Variants in POLR2E observed in about 807,000 individuals in gnomAD.
POLR2E encodes the protein DNA-directed RNA polymerases I, II, and III subunit RPABC1.
Under a neutral mutation model 29.8 loss-of-function variants are expected in POLR2E, and 35 were observed. The observed-to-expected ratio is 1.17, with a 90% CI of 0.90 to 1.55. The LOEUF is 1.55. POLR2E is among the 40% of genes most tolerant of loss of function. The pLI is 0.00. For missense variants in POLR2E, 287 were observed against 288.6 expected, an observed-to-expected ratio of 0.99 and a Z score of 0.04; for synonymous variants, 174 against 112.6, an observed-to-expected ratio of 1.55 and a Z score of -3.45.
Position 1,091,483 on chromosome 19 carries a change from G to T in POLR2E, c.348+309C>A, listed in dbSNP as rs1433215568. The stretch of plus-strand genomic sequence containing the variant: ...CCCCTGGACATCAGCTCAGGATAAA[G>T]AACCTCCGGCTCCTGGAATCTGCAC... On this transcript the variant is annotated intron_variant, in intron 3 of 7. Transcript: ENST00000615234. The T allele has an allele frequency of 1.1e-5, 5 of 438,398 alleles. No homozygotes were observed. In the East Asian group the frequency reaches 2.2e-4, roughly 20 times the overall value. 27.2% of individuals were successfully genotyped at this position (438,398 alleles called of 1,614,324 possible).
chr19:1,086,993 AT>A lies in POLR2E; in HGVS notation c.*1741del, dbSNP rs3073478. On this transcript the variant is annotated 3_prime_UTR_variant, in exon 8 of 8. Coordinates refer to ENST00000615234, the MANE Select transcript of POLR2E (RefSeq NM_002695.5). ...GTGGCCCATGCGCCTGTGGAACTGC[AT>A]TTTTTTTTTTTTTTGAGACAGGGTG... is the stretch of plus-strand genomic sequence containing the variant. The A allele has an allele frequency of 0.35, 50,593 of 145,976 alleles. 9,572 individuals are homozygous for A. Among genetic ancestry groups the A allele is most frequent in the Non-Finnish European group, 0.44 (28,856 of 66,142 alleles). 9.0% of individuals were successfully genotyped at this position (145,976 alleles called of 1,614,324 possible). A position where few individuals can be genotyped will look rare whatever the true frequency, so the allele number is the denominator to read the frequency against.
At chr19:1,089,762 T>C in intron 6 of POLR2E, 122 bp downstream of exon 6, 1 of 848,118 alleles carries the variant, frequency 1.2e-6, no homozygotes, top group Non-Finnish European at 1.9e-6. Context: ...GGGGGTGTGG[T>C]CTCGAGGTCC....
In POLR2E at chr19:1,094,042, C is replaced by A. The variant is rs764372975; in HGVS notation, c.94G>T (p.Glu32Ter). The A allele has an allele frequency of 3.1e-6, 5 of 1,613,342 alleles. No homozygotes were observed. Among genetic ancestry groups the A allele is most frequent in the Non-Finnish European group, 4.2e-6 (5 of 1,179,754 alleles). The change falls in exon 2 of 8, where the codon GAG becomes TAG. Residue 32 changes from glutamate to a stop codon, truncating the protein, a stop_gained. Transcript: ENST00000615234. LOFTEE classifies it high-confidence loss of function. Reference sequence around the variant, plus strand: ...AACTCCTCCAGGGTCTGGTCAAGCTCGTCCTGGGTCACCAGATAGCCACGG... The same window carrying A: ...AACTCCTCCAGGGTCTGGTCAAGCTAGTCCTGGGTCACCAGATAGCCACGG... ...HDRGYLVTQD[E>*]LDQTLEEFKA...
rs1369380932 is a variant in POLR2E at position 1,095,173 on chromosome 19, G to A, written c.57+86C>T. ...CTTCATCGCTGCTGCTCCGACGAGAGTACGAGGAGACGCCGTGCTCGACCC... is the reference window on the plus strand; with the variant it reads ...CTTCATCGCTGCTGCTCCGACGAGAATACGAGGAGACGCCGTGCTCGACCC... On this transcript the variant is annotated intron_variant, in intron 1 of 7. Coordinates refer to ENST00000615234, the MANE Select transcript of POLR2E (RefSeq NM_002695.5). 3.6e-6 allele frequency: 5 copies of A among 1,384,566 alleles called. No homozygotes were observed. In the African/African-American group the frequency reaches 4.3e-5, roughly 12 times the overall value. 85.8% of individuals were successfully genotyped at this position (1,384,566 alleles called of 1,614,324 possible).
chr19:1,090,137 A>G lies in POLR2E; in HGVS notation c.438T>C (p.Pro146=), dbSNP rs149982395. 2.0e-5 allele frequency: 33 copies of G among 1,612,468 alleles called. No homozygotes were observed. In the Middle Eastern group the frequency reaches 6.7e-4, roughly 33 times the overall value. Residue 146 remains proline, a synonymous_variant, in exon 5 of 8, where the codon CCT becomes CCC. Coordinates refer to ENST00000615234, the MANE Select transcript of POLR2E (RefSeq NM_002695.5). ...CCTCCTTGGTCATGACGACGTGCTC[A>G]GGGACTAGCTGCCGAGAGAGGAAGC... ...LINITEHELV[P]EHVVMTKEEV...
At chr19:1,094,279 G>A (rs997584009) in intron 1 of POLR2E, 1 of 536,252 alleles carries the variant, frequency 1.9e-6, no homozygotes. Flanking sequence ...GATCCTGAGA[G>A]GCTCCCAGAG....
At chr19:1,093,877 G>A (rs975206841) in intron 2 of POLR2E, 27 bp downstream of exon 2, 6 of 1,543,938 alleles carry the variant, frequency 3.9e-6, no homozygotes, top group African/African-American at 2.8e-5. Context: ...TGGCTTCACC[G>A]GAACTCCCCC....
intron 2 of POLR2E, 134 bp downstream of exon 2, chr19:1,093,770 G>C: frequency 1.4e-6 from 2 of 1,417,186 alleles, no homozygotes; most frequent in Non-Finnish European, 1.8e-6. Flanking sequence ...AGGAAGGGGA[G>C]GGGAGTTTTC....
At position 1,095,274 on chromosome 19, in the gene POLR2E, G is replaced by A. The variant is rs1008680381; in HGVS notation, c.42C>T (p.Arg14=). The change falls in exon 1 of 8, where the codon CGC becomes CGT. Residue 14 remains arginine (R), a synonymous_variant. Coordinates refer to ENST00000615234, the MANE Select transcript of POLR2E (RefSeq NM_002695.5). The part of the protein sequence containing the change: ...EEETYRLWKI[R]KTIMQLCHDR... ...CGCGGCTCACCTGCATGATGGTCTT[G>A]CGGATTTTCCAGAGCCGGTACGTCT... is the stretch of plus-strand genomic sequence containing the variant. 6.8e-6 allele frequency: 11 copies of A among 1,613,290 alleles called. No homozygotes were observed. The highest frequency in any genetic ancestry group is 9.3e-6 in the Non-Finnish European group (11 of 1,179,780).
At chr19:1,089,004 C>T (rs1220349987) in intron 7 of POLR2E, among the ~76,000 whole-genome samples, 3 of 152,170 alleles carry the variant, frequency 2.0e-5, no homozygotes, top group African/African-American at 7.2e-5. Flanking sequence ...GACCAGAGTC[C>T]AGGGGAAGCT....
intron 2 of POLR2E, among the ~76,000 whole-genome samples, chr19:1,092,951 C>T (rs1041246258): frequency 2.7e-5 from 4 of 150,588 alleles, no homozygotes; most frequent in African/African-American, 9.8e-5. Flanking sequence ...TTTGGGAGGC[C>T]GAGGCGGGCG....
chr19:1,089,458 C>T lies in POLR2E; in HGVS notation c.*14+14G>A. 1 of 1,591,184 alleles carries T rather than the reference C, an allele frequency of 6.3e-7. No individual in the cohort carries two copies. The highest frequency in any genetic ancestry group is 8.6e-7 in the Non-Finnish European group (1 of 1,159,906). On this transcript the variant is annotated intron_variant, in intron 7 of 7. Transcript: ENST00000615234. ...TCTGACCCCACCTCAGTGCCTGTCC[C>T]TCGGCCGTCTCACCTGTCAGGCGGT...
In POLR2E at chr19:1,087,378, C is replaced by T. The variant is rs1374248958; in HGVS notation, c.*1357G>A. 1 of 152,156 alleles carries T rather than the reference C, an allele frequency of 6.6e-6. No homozygotes were observed. The highest frequency in any genetic ancestry group is 1.5e-5 in the Non-Finnish European group (1 of 68,040). 9.4% of individuals were successfully genotyped at this position (152,156 alleles called of 1,614,324 possible). A position where few individuals can be genotyped will look rare whatever the true frequency, so the allele number is the denominator to read the frequency against. On this transcript the variant is annotated 3_prime_UTR_variant, in exon 8 of 8. Transcript: ENST00000615234. Reference sequence around the variant, plus strand: ...ATGTTGGTCAGGCTGGTCTCGAACTCCCGACCTCAGGTGATCCGCCCACCT... The same window carrying T: ...ATGTTGGTCAGGCTGGTCTCGAACTTCCGACCTCAGGTGATCCGCCCACCT...
intron 2 of POLR2E, among the ~76,000 whole-genome samples, chr19:1,093,435 G>A (rs978229786): frequency 7.9e-4 from 121 of 152,226 alleles, no homozygotes; most frequent in African/African-American, 2.8e-3. Context: ...GCACAAGCTC[G>A]AGGGACGAGT....
chr19:1,091,915 CAG>C lies in POLR2E; in HGVS notation c.233-10_233-9del, dbSNP rs759072372. The C allele has an allele frequency of 1.4e-5, 22 of 1,594,540 alleles. No homozygotes were observed. The highest frequency in any genetic ancestry group is 1.2e-4 in the African/African-American group (9 of 74,552). ...TGCCCACCTTGGGCTCCTCTGCAGA[CAG>C]AGAGTGTGCTGGCCTGCACGAGCCT... On this transcript the variant is annotated splice_polypyrimidine_tract_variant and intron_variant, in intron 2 of 7. Transcript: ENST00000615234.
In POLR2E at chr19:1,089,651, G is replaced by A. The variant is rs974641509; in HGVS notation, c.568-100C>T. ...ACACGGGCTGGGGATGGCCGGCAGGGGTCCGAGATGGCTGACCCTGGGCTG... is the reference window on the plus strand; with the variant it reads ...ACACGGGCTGGGGATGGCCGGCAGGAGTCCGAGATGGCTGACCCTGGGCTG... On this transcript the variant is annotated intron_variant, in intron 6 of 7. Transcript: ENST00000615234. 4 of 1,028,176 alleles carry A rather than the reference G, an allele frequency of 3.9e-6. No individual in the cohort carries two copies. The African/African-American group carries it at 6.3e-5, about 16-fold the overall frequency. The allele number at this position is 1,028,176 out of a possible 1,614,324, so 63.7% of individuals were successfully genotyped here. A position where few individuals can be genotyped will look rare whatever the true frequency, so the allele number is the denominator to read the frequency against.
chr19:1,089,219 G>C (rs937867371), intron 7 of POLR2E, among the ~76,000 whole-genome samples: 2 of 152,224 alleles, frequency 1.3e-5, no homozygotes, highest in Non-Finnish European at 2.9e-5. Context: ...TCTAAGGTGG[G>C]TCAGCGGCGG....
intron 4 of POLR2E, among the ~76,000 whole-genome samples, chr19:1,090,461 T>A (rs1289049008): frequency 2.0e-5 from 1 of 49,382 alleles, no homozygotes. Context: ...GGGATCTGCA[T>A]TTTTTTTTTT....
intron 5 of POLR2E, 43 bp from the exon 6 acceptor site, chr19:1,090,005 G>C (rs762357871): frequency 1.3e-6 from 2 of 1,559,370 alleles, no homozygotes; most frequent in South Asian, 1.1e-5. Context: ...GGCCGTTGGG[G>C]GGGCAGGGGT....
Sources: gnomAD v4.1 joint callset for allele counts (sites outside exome capture counted in the v4.1 genomes callset) on GRCh38, gnomAD v4.1.1 for gene constraint, MANE v1.5 for transcripts, NCBI Gene and HGNC (gene_info 2026-07-23, HGNC 2026-07-21) for gene names.